AGGF1: variants seen among roughly 807,000 people sequenced by gnomAD.
AGGF1 encodes the protein angiogenic factor with G-patch and FHA domains 1.
A neutral mutation model predicts 86.5 loss-of-function variants in AGGF1; 56 were observed. The ratio of observed to expected loss-of-function variants is 0.65; its 90% CI spans 0.52 to 0.81. The LOEUF (loss-of-function observed/expected upper bound fraction) is 0.81, where lower values mean the gene tolerates loss of function less well. Ranked by LOEUF, AGGF1 falls within the 30% of genes least tolerant of loss-of-function variation. The pLI is 0.00. For synonymous variants in AGGF1, 313 were observed against 297.1 expected (o/e 1.05, Z -0.55); for missense variants, 816 against 850.9 (o/e 0.96, Z 0.51).
In AGGF1 at chr5:77,030,694, C is replaced by G. The variant is rs1746824829; in HGVS notation, c.-73C>G. ...CGCTGCCCGCGCGCTCCAGTGGTCT[C>G]TGGGTCCGCCGGCGTCCGTTTCGGC... On this transcript the variant is annotated 5_prime_UTR_variant, in exon 1 of 14. Transcript: ENST00000312916. 1.3e-6 allele frequency: 2 copies of G among 1,503,654 alleles called. No homozygotes were observed. Among genetic ancestry groups the G allele is most frequent in the Non-Finnish European group, 1.8e-6 (2 of 1,121,878 alleles). The allele number at this position is 1,503,654 out of a possible 1,614,324, so 93.1% of individuals were successfully genotyped here.
Position 77,030,967 on chromosome 5 carries a change from C to T in AGGF1, c.201C>T (p.Leu67=), listed in dbSNP as rs1433797119. The T allele has an allele frequency of 6.2e-7, 1 of 1,612,196 alleles. No individual in the cohort carries two copies. The highest frequency in any genetic ancestry group is 1.1e-5 in the South Asian group (1 of 91,086). Residue 67 remains leucine (L), a synonymous_variant, in exon 1 of 14, where the codon CTC becomes CTT. Transcript: ENST00000312916. ...YQNAESNNQE[L]RTQVEELSKI... ...ACGCAGAAAGCAACAACCAGGAGCT[C>T]CGCACGCAGGTGCGCGGTCCTCCTC...
intron 5 of AGGF1, among the ~76,000 whole-genome samples, chr5:77,041,566 C>CAAA (rs1232718165): frequency 6.2e-4 from 43 of 69,732 alleles, no homozygotes; most frequent in East Asian, 1.2e-3. Flanking sequence ...GACTCCATCT[C>CAAA]AAAAAAAAAA....
Position 77,046,812 on chromosome 5 carries a change from T to A in AGGF1, c.1201+135T>A, listed in dbSNP as rs1388174976. 4.4e-6 allele frequency: 4 copies of A among 914,130 alleles called. No homozygotes were observed. In the East Asian group the frequency reaches 1.1e-4, roughly 24 times the overall value. The allele number at this position is 914,130 out of a possible 1,614,324, so 56.6% of individuals were successfully genotyped here. A position where few individuals can be genotyped will look rare whatever the true frequency, so the allele number is the denominator to read the frequency against. ...TATTTTAATGATGTTATTGAAAATG[T>A]TGTGGGTTGCCACTTGGTTATTCTT... On this transcript the variant is annotated intron_variant, in intron 6 of 13. Transcript: ENST00000312916.
intron 1 of AGGF1, among the ~76,000 whole-genome samples, chr5:77,032,590 G>T (rs1746890544): frequency 6.6e-6 from 1 of 151,354 alleles, no homozygotes; most frequent in Non-Finnish European, 1.5e-5. Context: ...AAAAAAATGG[G>T]GAGACGGGAG....
intron 11 of AGGF1, among the ~76,000 whole-genome samples, chr5:77,057,427 A>G (rs1262511949): frequency 1.3e-5 from 2 of 152,306 alleles, no homozygotes; most frequent in Admixed American, 1.3e-4. Flanking sequence ...AAAAGCAGGA[A>G]CTAGTAATAT....
intron 8 of AGGF1, among the ~76,000 whole-genome samples, chr5:77,049,593 A>G (rs1244964569): frequency 7.0e-6 from 1 of 142,236 alleles, no homozygotes; most frequent in Non-Finnish European, 1.5e-5. Context: ...TCTGTTACCC[A>G]GGCTGGAGTA....
rs143142613 is a variant in AGGF1 at position 77,053,762 on chromosome 5, A to G, written c.1468-203A>G. On this transcript the variant is annotated intron_variant, in intron 9 of 13. Coordinates refer to ENST00000312916, the MANE Select transcript of AGGF1 (RefSeq NM_018046.5). Reference sequence around the variant, plus strand: ...GTTTGACAAGTTGCTCAGTTCAGCTATCTTCATCTCCAATAGTAGTACTTT... The same window carrying G: ...GTTTGACAAGTTGCTCAGTTCAGCTGTCTTCATCTCCAATAGTAGTACTTT... Among the ~76,000 whole-genome samples the G allele has an allele frequency of 9.0e-4, 137 of 152,316 alleles. 1 individual carries two copies. Among genetic ancestry groups the G allele is most frequent in the African/African-American group, 3.2e-3 (131 of 41,570 alleles).
At chr5:77,054,314 G>A (rs56036819) in intron 10 of AGGF1, among the ~76,000 whole-genome samples, 184 bp downstream of exon 10, 45,771 of 151,992 alleles carry the variant, frequency 0.3, 7,131 homozygotes, top group Non-Finnish European at 0.31. Context: ...GATATATTTC[G>A]TAAATATTAC....
At position 77,063,471 on chromosome 5, in the gene AGGF1, A is replaced by C; in HGVS notation, c.*219A>C. ...ATGCAGTAAATAGACTAAAGTTCAC[A>C]GGGCACGGATGAGTTTATCAAACTT... On this transcript the variant is annotated 3_prime_UTR_variant, in exon 14 of 14. Transcript: ENST00000312916. 1 of 552,080 alleles carries C rather than the reference A, an allele frequency of 1.8e-6. No individual in the cohort carries two copies. Among genetic ancestry groups the C allele is most frequent in the Non-Finnish European group, 3.2e-6 (1 of 311,522 alleles). 34.2% of individuals were successfully genotyped at this position (552,080 alleles called of 1,614,324 possible).
rs1162025876 is a variant in AGGF1, at chr5:77,030,840, T to A, written c.74T>A (p.Leu25Gln). 6.2e-7 allele frequency: 1 copy of A among 1,611,974 alleles called. No individual in the cohort carries two copies. The highest frequency in any genetic ancestry group is 1.3e-5 in the African/African-American group (1 of 74,918). Residue 25 changes from leucine (L) to glutamine (Q), a missense_variant, in exon 1 of 14, where the codon CTA becomes CAA. Leu to Gln is a moderately radical substitution (Grantham distance 113). Around this residue, in one of 3 missense-constraint regions of AGGF1, gnomAD observed 240 missense variants for 234.4 expected, o/e 1.02. Transcript: ENST00000312916. ...PTSPEPELAQ[L>Q]RRKVEKLERE... is the part of the protein sequence containing the mutation. ...TCCCCCGAGCCTGAGCTGGCCCAGCTAAGGCGGAAGGTGGAGAAGTTGGAA... is the reference window on the plus strand; with the variant it reads ...TCCCCCGAGCCTGAGCTGGCCCAGCAAAGGCGGAAGGTGGAGAAGTTGGAA...
intron 13 of AGGF1, among the ~76,000 whole-genome samples, chr5:77,062,075 T>C (rs552619549): frequency 6.6e-6 from 1 of 152,316 alleles, no homozygotes; most frequent in East Asian, 1.9e-4. Flanking sequence ...TTCTGTGTTT[T>C]AGAGTCATTT....
chr5:77,040,526 G>C (rs1342469059), intron 5 of AGGF1, among the ~76,000 whole-genome samples: 2 of 152,056 alleles, frequency 1.3e-5, no homozygotes, highest in Non-Finnish European at 2.9e-5. Context: ...GAAAGCGATA[G>C]TTACATTTAA....
intron 5 of AGGF1, among the ~76,000 whole-genome samples, chr5:77,041,566 C>CAAAA (rs1232718165): frequency 3.4e-4 from 24 of 70,102 alleles, no homozygotes; most frequent in Non-Finnish European, 4.2e-4. Context: ...GACTCCATCT[C>CAAAA]AAAAAAAAAA....
At position 77,063,126 on chromosome 5, in the gene AGGF1, T is replaced by A. The variant is rs139970657; in HGVS notation, c.2019T>A (p.Leu673=). 428 of 1,613,946 alleles carry A rather than the reference T, an allele frequency of 2.7e-4. 2 individuals carry two copies. In the South Asian group the frequency reaches 3.1e-3, roughly 12 times the overall value. ...GKPSSFEDVH[L]LQNKNKKNWD... ...CATCCTCATTTGAAGATGTTCACCT[T>A]CTCCAAAACAAGAACAAAAAAAACT... Residue 673 remains leucine (L), a synonymous_variant, in exon 14 of 14, where the codon CTT becomes CTA. Transcript: ENST00000312916.
chr5:77,031,111 A>C, intron 1 of AGGF1, 135 bp downstream of exon 1: 12 of 953,258 alleles, frequency 1.3e-5, no homozygotes, highest in Admixed American at 6.6e-5. Flanking sequence ...GTAGAAGCTC[A>C]GCGCAGTTAC....
chr5:77,059,505 C>A, intron 11 of AGGF1, 111 bp from the exon 12 acceptor site: 1 of 993,002 alleles, frequency 1.0e-6, no homozygotes, highest in Non-Finnish European at 1.5e-6. Flanking sequence ...TGTTTTATTT[C>A]ATTGTTTATA....
chr5:77,032,338 CG>C (rs1746880308), intron 1 of AGGF1, among the ~76,000 whole-genome samples: 1 of 149,734 alleles, frequency 6.7e-6, no homozygotes, highest in Admixed American at 6.7e-5. Context: ...GAGGCCGAGG[CG>C]GGCGAATCAC....
Position 77,059,677 on chromosome 5 carries a change from A to G in AGGF1, c.1778A>G (p.Lys593Arg). 6.2e-7 allele frequency: 1 copy of G among 1,613,802 alleles called. No homozygotes were observed. The highest frequency in any genetic ancestry group is 8.5e-7 in the Non-Finnish European group (1 of 1,179,734). The change falls in exon 12 of 14, where the codon AAA becomes AGA. Residue 593 changes from lysine (K) to arginine (R), a missense_variant. Coordinates refer to ENST00000312916, the MANE Select transcript of AGGF1 (RefSeq NM_018046.5). ...CCAAAATATAAAGATAGAGCTGGAAAACGTAGGGAGCAGGTTGGAAGTGAA... is the reference window on the plus strand; with the variant it reads ...CCAAAATATAAAGATAGAGCTGGAAGACGTAGGGAGCAGGTTGGAAGTGAA... ...KNPKYKDRAGKRREQVGSEGT... is the reference protein window; with the variant it reads ...KNPKYKDRAGRRREQVGSEGT...
At chr5:77,044,409 A>G (rs1747206312) in intron 5 of AGGF1, among the ~76,000 whole-genome samples, 1 of 152,168 alleles carries the variant, frequency 6.6e-6, no homozygotes, top group African/African-American at 2.4e-5. Flanking sequence ...CTTTATTTTT[A>G]AAGATATTTT....
Sources: allele counts gnomAD v4.1 joint callset (sites outside exome capture counted in the v4.1 genomes callset), GRCh38; gene constraint gnomAD v4.1.1; regional missense constraint gnomAD v4.1.1; transcripts MANE v1.5; gene names NCBI Gene and HGNC (gene_info 2026-07-23, HGNC 2026-07-21).